SND1: variants seen among roughly 807,000 people sequenced by gnomAD.
The protein encoded by SND1 is staphylococcal nuclease domain-containing protein 1.
A neutral mutation model predicts 121.7 loss-of-function variants in SND1; 38 were observed. That is an observed-to-expected ratio of 0.31 (90% CI 0.24 to 0.41). The LOEUF is 0.41. Ranked by LOEUF, SND1 falls within the 10% of genes least tolerant of loss-of-function variation. The pLI is 1.00. For synonymous variants in SND1, 401 were observed against 447.4 expected (o/e 0.90, Z 1.31); for missense variants, 868 against 1,184.6 (o/e 0.73, Z 3.92).
chr7:127,695,014 T>C, intron 3 of SND1, 66 bp downstream of exon 3: 2 of 1,572,234 alleles, frequency 1.3e-6, no homozygotes, highest in Admixed American at 3.6e-5. Context: ...AGTTTTCTTG[T>C]GGTGGAAGGC....
chr7:127,686,716 G>A lies in SND1; in HGVS notation c.182G>A (p.Arg61His). The change falls in exon 2 of 24, where the codon CGC (arginine) becomes CAC (histidine). Residue 61 changes from arginine (R) to histidine (H), a missense_variant. Physicochemically the swap from Arg to His is conservative, Grantham distance 29. Around this residue, in one of 2 missense-constraint regions of SND1, gnomAD observed 125 missense variants for 113.3 expected, o/e 1.10. Transcript: ENST00000354725. Reference sequence around the variant, plus strand: ...AACATTCGTGCTGGAAATCTTGCTCGCCGGGCAGCCGCCACACAACCTGAT... The same window carrying A: ...AACATTCGTGCTGGAAATCTTGCTCACCGGGCAGCCGCCACACAACCTGAT... ...LSNIRAGNLA[R>H]RAAATQPDAK... 1.9e-6 allele frequency: 3 copies of A among 1,614,144 alleles called. No homozygotes were observed. Among genetic ancestry groups the A allele is most frequent in the African/African-American group, 1.3e-5 (1 of 75,036 alleles).
chr7:127,760,379 A>G (rs1797281488), intron 10 of SND1, among the ~76,000 whole-genome samples: 1 of 152,218 alleles, frequency 6.6e-6, no homozygotes, highest in Non-Finnish European at 1.5e-5. Flanking sequence ...CACCATAATG[A>G]TGACTTTTCA....
intron 9 of SND1, among the ~76,000 whole-genome samples, chr7:127,713,483 A>T (rs906370084): frequency 6.6e-6 from 1 of 152,234 alleles, no homozygotes; most frequent in African/African-American, 2.4e-5. Flanking sequence ...AAGTCCTGCA[A>T]GTCTTCCCTG....
intron 16 of SND1, among the ~76,000 whole-genome samples, chr7:128,038,463 G>A (rs918556587): frequency 6.6e-6 from 1 of 152,222 alleles, no homozygotes; most frequent in African/African-American, 2.4e-5. Flanking sequence ...CTAGAAGCAA[G>A]TAAAGGAAAT....
At chr7:127,661,715 C>A (rs1021714251) in intron 1 of SND1, among the ~76,000 whole-genome samples, 6 of 152,096 alleles carry the variant, frequency 3.9e-5, no homozygotes, top group Non-Finnish European at 8.8e-5. Context: ...GGAATTCCTT[C>A]AGAGCGTTCA....
chr7:127,915,879 A>G (rs1800563387), intron 14 of SND1, among the ~76,000 whole-genome samples: 2 of 152,232 alleles, frequency 1.3e-5, no homozygotes, highest in Admixed American at 6.5e-5. Flanking sequence ...GAGGATAGTA[A>G]TGGGAGAATG....
intron 8 of SND1, among the ~76,000 whole-genome samples, chr7:127,707,130 G>A (rs2116353413): frequency 6.6e-6 from 1 of 152,250 alleles, no homozygotes; most frequent in Non-Finnish European, 1.5e-5. Flanking sequence ...GCACTGTCAT[G>A]ACAGTTTTCT....
chr7:127,896,932 ATCATGCTTCTGC>A (rs1800130189), intron 13 of SND1, among the ~76,000 whole-genome samples: 1 of 152,142 alleles, frequency 6.6e-6, no homozygotes. Context: ...GCATATCCCT[ATCATGCTTCTGC>A]TCTAATCCTT....
At chr7:127,940,896 G>A (rs1355597906) in intron 15 of SND1, among the ~76,000 whole-genome samples, 7 of 152,230 alleles carry the variant, frequency 4.6e-5, no homozygotes, top group Non-Finnish European at 8.8e-5. Context: ...TTGAGGAGGC[G>A]TCATAGTTTC....
At chr7:127,688,410 A>C (rs1031112087) in intron 2 of SND1, among the ~76,000 whole-genome samples, 2 of 152,224 alleles carry the variant, frequency 1.3e-5, no homozygotes, top group South Asian at 2.1e-4. Context: ...TTTGGCTGTC[A>C]GAAATGAAAT....
intron 16 of SND1, among the ~76,000 whole-genome samples, chr7:128,074,009 CT>C (rs1001758448): frequency 2.6e-5 from 4 of 152,200 alleles, no homozygotes; most frequent in African/African-American, 4.8e-5. Context: ...TCCTCTCCCC[CT>C]CTCCTCTCCT....
chr7:127,851,802 A>G (rs916618547), intron 12 of SND1, among the ~76,000 whole-genome samples: 11 of 152,346 alleles, frequency 7.2e-5, no homozygotes, highest in African/African-American at 2.2e-4. Flanking sequence ...ATAGCACCCT[A>G]TTCTTAGTTT....
chr7:127,792,580 G>A (rs1006370355), intron 10 of SND1, among the ~76,000 whole-genome samples: 2 of 152,172 alleles, frequency 1.3e-5, no homozygotes, highest in Non-Finnish European at 2.9e-5. Flanking sequence ...AAGGTTGGGG[G>A]AATAAGAAAA....
intron 12 of SND1, among the ~76,000 whole-genome samples, chr7:127,874,511 C>G (rs1330632254): frequency 6.6e-6 from 1 of 152,090 alleles, no homozygotes; most frequent in Non-Finnish European, 1.5e-5. Context: ...AATTCCTACT[C>G]CCGCCATCAA....
At chr7:127,892,619 T>C (rs1483698548) in intron 13 of SND1, among the ~76,000 whole-genome samples, 1 of 152,138 alleles carries the variant, frequency 6.6e-6, no homozygotes, top group East Asian at 1.9e-4. Flanking sequence ...CCTTTCCAGC[T>C]CTGTTGTCTA....
intron 14 of SND1, among the ~76,000 whole-genome samples, chr7:127,926,231 A>G (rs112090049): frequency 0.023 from 3,474 of 152,264 alleles, 143 homozygotes; most frequent in African/African-American, 0.079. Context: ...CCAAGCAAAA[A>G]AATGCTTGAG....
intron 15 of SND1, among the ~76,000 whole-genome samples, chr7:127,945,531 A>G (rs1338783999): frequency 6.6e-6 from 1 of 152,040 alleles, no homozygotes; most frequent in Non-Finnish European, 1.5e-5. Flanking sequence ...AAATAACCCT[A>G]CAGTTTCCAT....
intron 16 of SND1, chr7:128,042,252 G>GA (rs1340763219): frequency 6.6e-6 from 1 of 152,200 alleles, no homozygotes; most frequent in Non-Finnish European, 1.5e-5. Context: ...TCCCTCCCCT[G>GA]AAAACAGCCT....
chr7:127,941,001 G>A (rs575487009), intron 15 of SND1, among the ~76,000 whole-genome samples: 8 of 152,218 alleles, frequency 5.3e-5, no homozygotes, highest in East Asian at 3.8e-4. Flanking sequence ...GCTGCTCTTC[G>A]TCTCAGTGCT....
Sources: allele counts gnomAD v4.1 joint callset (sites outside exome capture counted in the v4.1 genomes callset), GRCh38; gene constraint gnomAD v4.1.1; regional missense constraint gnomAD v4.1.1; transcripts MANE v1.5; gene names NCBI Gene and HGNC (gene_info 2026-07-23, HGNC 2026-07-21).